The following CSMD3 variants were observed in gnomAD, a reference collection of about 807,000 sequenced individuals.
The protein encoded by CSMD3 is CUB and sushi domain-containing protein 3.
Under a neutral mutation model 435.2 loss-of-function variants are expected in CSMD3, and 177 were observed. The ratio of observed to expected loss-of-function variants is 0.41; its 90% CI spans 0.36 to 0.46. The LOEUF (loss-of-function observed/expected upper bound fraction) is 0.46, where lower values mean the gene tolerates loss of function less well. Ranked by LOEUF, CSMD3 falls within the 20% of genes least tolerant of loss-of-function variation. The pLI, the probability that CSMD3 is intolerant of heterozygous loss-of-function variation, is 0.34. For missense variants in CSMD3, 4,265 were observed against 4,504.6 expected (o/e 0.95, Z 1.52); for synonymous variants, 1,656 against 1,520.5 (o/e 1.09, Z -2.07).
At position 112,650,344 on chromosome 8, in the gene CSMD3, T is replaced by A. The variant is rs143795220; in HGVS notation, c.3010A>T (p.Thr1004Ser). ...TCCAAACAAGAATACGTGTTCACTGTAACACCTGGAAAACAAAGGGAAGAA... is the reference window on the plus strand; with the variant it reads ...TCCAAACAAGAATACGTGTTCACTGAAACACCTGGAAAACAAAGGGAAGAA... ...NGFKIHYESV[T>S]VNTYSCLDPG... Residue 1004 changes from threonine (T) to serine (S), a missense_variant, in exon 19 of 71, where the codon ACA (threonine) becomes TCA (serine). Thr to Ser is a moderately conservative substitution (Grantham distance 58). This residue lies in a region of CSMD3 where 3,255 missense variants were observed against 3,380.2 expected (regional missense o/e 0.96). Coordinates refer to ENST00000297405, the MANE Select transcript of CSMD3 (RefSeq NM_198123.2). 1.3e-5 allele frequency: 21 copies of A among 1,612,534 alleles called. No homozygotes were observed. In the African/African-American group the frequency reaches 2.7e-4, roughly 21 times the overall value.
rs926102597 is a variant in CSMD3 at position 112,244,965 on chromosome 8, T to G, written c.10223-392A>C. On this transcript the variant is annotated intron_variant, in intron 64 of 70. Coordinates refer to ENST00000297405, the MANE Select transcript of CSMD3 (RefSeq NM_198123.2). ...AGATACCTTTTAATGTTTGTCAAGC[T>G]CAGGTTTTCTATATGAGTTTAGAAA... 2.6e-5 allele frequency among the ~76,000 whole-genome samples: 4 copies of G among 151,964 alleles called. No homozygotes were observed. In the East Asian group the frequency reaches 7.7e-4, roughly 29 times the overall value.
At chr8:112,466,636 T>C (rs892863528) in intron 32 of CSMD3, among the ~76,000 whole-genome samples, 3 of 152,178 alleles carry the variant, frequency 2.0e-5, no homozygotes, top group African/African-American at 7.2e-5. Flanking sequence ...CATCTTATTT[T>C]CAATCCATTG....
At chr8:113,412,456 T>C (rs919620400) in intron 1 of CSMD3, among the ~76,000 whole-genome samples, 8 of 152,146 alleles carry the variant, frequency 5.3e-5, no homozygotes, top group Non-Finnish European at 8.8e-5. Flanking sequence ...GCTGCTTTTA[T>C]AAAATGCAAT....
intron 32 of CSMD3, among the ~76,000 whole-genome samples, chr8:112,437,427 A>G (rs1814483735): frequency 6.6e-6 from 1 of 152,148 alleles, no homozygotes; most frequent in African/African-American, 2.4e-5. Context: ...ACGAAATTGC[A>G]GACAACTTAC....
At chr8:112,592,221 G>C (rs1158002089) in intron 22 of CSMD3, among the ~76,000 whole-genome samples, 2 of 151,890 alleles carry the variant, frequency 1.3e-5, no homozygotes, top group Non-Finnish European at 2.9e-5. Context: ...TTTCAGAAGT[G>C]GGTAGAAATT....
chr8:112,392,634 G>T (rs1313930671), intron 35 of CSMD3, among the ~76,000 whole-genome samples: 1 of 148,876 alleles, frequency 6.7e-6, no homozygotes, highest in Admixed American at 6.7e-5. Context: ...CCTCTCCATC[G>T]CCACCGCCAC....
At chr8:113,430,087 G>A (rs2942849) in intron 1 of CSMD3, among the ~76,000 whole-genome samples, 81,309 of 151,942 alleles carry the variant, frequency 0.54, 22,119 homozygotes, top group Admixed American at 0.68. Flanking sequence ...CACCAGAAGT[G>A]AATGTGTAAA....
At chr8:112,859,454 G>T (rs1306867925) in intron 10 of CSMD3, among the ~76,000 whole-genome samples, 188 bp from the exon 11 acceptor site, 1 of 151,624 alleles carries the variant, frequency 6.6e-6, no homozygotes, top group East Asian at 1.9e-4. Flanking sequence ...TCACAAGCTC[G>T]ATATTTTCAA....
intron 34 of CSMD3, among the ~76,000 whole-genome samples, chr8:112,407,952 AC>A (rs1041190580): frequency 1.6e-4 from 24 of 152,046 alleles, no homozygotes; most frequent in Middle Eastern, 3.2e-3. Context: ...GTACATCAGC[AC>A]CAAAATTTTT....
At chr8:113,105,742 T>C (rs3912243) in intron 4 of CSMD3, among the ~76,000 whole-genome samples, 102,331 of 152,018 alleles carry the variant, frequency 0.67, 36,039 homozygotes, top group East Asian at 0.95. Context: ...TACTTAAAGC[T>C]TAAAAACAAA....
intron 13 of CSMD3, among the ~76,000 whole-genome samples, chr8:112,692,231 T>C (rs981186678): frequency 1.3e-5 from 2 of 152,122 alleles, no homozygotes; most frequent in Non-Finnish European, 2.9e-5. Flanking sequence ...TTAGAACTTT[T>C]TTAGTATATT....
At chr8:113,215,678 C>T (rs898964233) in intron 3 of CSMD3, among the ~76,000 whole-genome samples, 1 of 151,822 alleles carries the variant, frequency 6.6e-6, no homozygotes, top group Non-Finnish European at 1.5e-5. Flanking sequence ...TTTGATAATG[C>T]AAGCACACAT....
intron 41 of CSMD3, among the ~76,000 whole-genome samples, chr8:112,342,943 C>A (rs986434024): frequency 8.2e-6 from 1 of 122,268 alleles, no homozygotes; most frequent in Non-Finnish European, 1.8e-5. Flanking sequence ...TATTCTTGAA[C>A]ATATGTTTCT....
intron 13 of CSMD3, among the ~76,000 whole-genome samples, chr8:112,728,115 G>A (rs1050904220): frequency 6.6e-6 from 1 of 151,832 alleles, no homozygotes; most frequent in Non-Finnish European, 1.5e-5. Context: ...AATGCAGATT[G>A]TTGGGAAGAA....
intron 10 of CSMD3, among the ~76,000 whole-genome samples, chr8:112,920,594 T>G (rs991755333): frequency 3.9e-5 from 6 of 152,008 alleles, no homozygotes; most frequent in African/African-American, 1.2e-4. Context: ...TGTTTATGTC[T>G]AATGATATTG....
At chr8:112,605,073 C>T (rs1390641012) in intron 22 of CSMD3, among the ~76,000 whole-genome samples, 1 of 152,084 alleles carries the variant, frequency 6.6e-6, no homozygotes, top group African/African-American at 2.4e-5. Context: ...ATCAAAACCA[C>T]AATGAGATAT....
Position 113,233,753 on chromosome 8 carries a change from T to C in CSMD3, c.514+44839A>G, listed in dbSNP as rs185816406. Among the ~76,000 whole-genome samples, 136 of 152,144 alleles carry C rather than the reference T, an allele frequency of 8.9e-4. 2 individuals carry two copies. The highest frequency in any genetic ancestry group is 9.7e-4 in the East Asian group (5 of 5,166). On this transcript the variant is annotated intron_variant, in intron 3 of 70. Transcript: ENST00000297405. ...AACTTGAAAATAAAAATTAAATGCATTGTCTAATAGCAGACAATGTATATT... is the reference window on the plus strand; with the variant it reads ...AACTTGAAAATAAAAATTAAATGCACTGTCTAATAGCAGACAATGTATATT...
chr8:112,251,468 T>C (rs1027386043), intron 63 of CSMD3, among the ~76,000 whole-genome samples: 6 of 151,676 alleles, frequency 4.0e-5, no homozygotes, highest in African/African-American at 1.4e-4. Context: ...TATTATTATT[T>C]ATATTCAAAA....
At chr8:113,023,566 C>CTA (rs1177360890) in intron 5 of CSMD3, among the ~76,000 whole-genome samples, 2 of 152,100 alleles carry the variant, frequency 1.3e-5, no homozygotes, top group African/African-American at 4.8e-5. Flanking sequence ...TGTTGAGCTG[C>CTA]TATTAGTTGC....
Sources: allele counts gnomAD v4.1 joint callset (sites outside exome capture counted in the v4.1 genomes callset), GRCh38; gene constraint gnomAD v4.1.1; regional missense constraint gnomAD v4.1.1; transcripts MANE v1.5; gene names NCBI Gene and HGNC (gene_info 2026-07-23, HGNC 2026-07-21).